Variants in GHR observed in about 807,000 individuals in gnomAD.
GHR encodes the protein GH receptor.
A neutral mutation model predicts 67.1 loss-of-function variants in GHR; 35 were observed. That is an observed-to-expected ratio of 0.52 (90% CI 0.40 to 0.69). GHR has a LOEUF of 0.69. Among genes scored for constraint, GHR ranks in the 30% least tolerant of loss-of-function variants. The pLI is 0.00. For missense variants in GHR, 792 were observed against 764.6 expected (o/e 1.04, Z -0.42); for synonymous variants, 272 against 269.1 (o/e 1.01, Z -0.10).
chr5:42,481,470 T>C (rs1745632814), intron 1 of GHR, among the ~76,000 whole-genome samples: 1 of 152,224 alleles, frequency 6.6e-6, no homozygotes, highest in South Asian at 2.1e-4. Context: ...CTGGATAATA[T>C]CCTGCAGAGT....
At chr5:42,640,291 C>G (rs552327235) in intron 3 of GHR, among the ~76,000 whole-genome samples, 1 of 152,224 alleles carries the variant, frequency 6.6e-6, no homozygotes, top group Admixed American at 6.5e-5. Context: ...TAACATACTG[C>G]TAATACCCCA....
chr5:42,692,666 GATA>G (rs1347925966), intron 4 of GHR, among the ~76,000 whole-genome samples: 2 of 152,218 alleles, frequency 1.3e-5, no homozygotes, highest in African/African-American at 4.8e-5. Flanking sequence ...ATGGATTTGG[GATA>G]ATCTAAACAG....
intron 3 of GHR, among the ~76,000 whole-genome samples, chr5:42,660,306 C>A (rs2112858749): frequency 6.6e-6 from 1 of 152,322 alleles, no homozygotes; most frequent in East Asian, 1.9e-4. Context: ...AGACTGCCTC[C>A]TCAAGTGGGT....
chr5:42,718,273 C>T (rs936710261), intron 9 of GHR, 152 bp downstream of exon 9: 1 of 723,868 alleles, frequency 1.4e-6, no homozygotes, highest in Non-Finnish European at 2.3e-6. Flanking sequence ...TATTCTATTT[C>T]TTAAAAATAA....
intron 1 of GHR, among the ~76,000 whole-genome samples, chr5:42,560,117 A>G (rs1749521032): frequency 6.6e-6 from 1 of 152,106 alleles, no homozygotes; most frequent in South Asian, 2.1e-4. Context: ...GGTGTTAGTT[A>G]TTTTAGGTGG....
intron 1 of GHR, among the ~76,000 whole-genome samples, chr5:42,550,333 T>G (rs1323920481): frequency 1.3e-5 from 2 of 152,104 alleles, no homozygotes; most frequent in East Asian, 3.9e-4. Context: ...CTAACACTGT[T>G]CTCGGGGCCA....
At chr5:42,512,607 T>C (rs976738916) in intron 1 of GHR, among the ~76,000 whole-genome samples, 2 of 152,168 alleles carry the variant, frequency 1.3e-5, no homozygotes, top group East Asian at 1.9e-4. Flanking sequence ...TATATATATA[T>C]ACATAGACAA....
At chr5:42,479,743 A>G (rs1745527194) in intron 1 of GHR, among the ~76,000 whole-genome samples, 1 of 152,010 alleles carries the variant, frequency 6.6e-6, no homozygotes, top group Non-Finnish European at 1.5e-5. Flanking sequence ...CCCCTTTATC[A>G]TTTTTTATTG....
chr5:42,699,035 A>G (rs1249713967), intron 5 of GHR, among the ~76,000 whole-genome samples: 2 of 152,234 alleles, frequency 1.3e-5, no homozygotes, highest in Non-Finnish European at 2.9e-5. Context: ...CAAGTTGTTC[A>G]TGTGACAGTC....
chr5:42,530,186 A>G (rs1021992494), intron 1 of GHR, among the ~76,000 whole-genome samples: 1 of 151,994 alleles, frequency 6.6e-6, no homozygotes, highest in African/African-American at 2.4e-5. Flanking sequence ...CACAGTTACC[A>G]TTTGTGTGTG....
chr5:42,454,875 T>C (rs1024657114), intron 1 of GHR, among the ~76,000 whole-genome samples: 5 of 152,092 alleles, frequency 3.3e-5, no homozygotes, highest in Non-Finnish European at 7.4e-5. Flanking sequence ...GCAGTTCCCA[T>C]TCACCCACCA....
At chr5:42,615,416 T>A (rs1310960167) in intron 2 of GHR, among the ~76,000 whole-genome samples, 2 of 152,098 alleles carry the variant, frequency 1.3e-5, no homozygotes, top group Non-Finnish European at 2.9e-5. Flanking sequence ...CTGACTAGAT[T>A]GTAACTTCTA....
intron 2 of GHR, among the ~76,000 whole-genome samples, chr5:42,570,323 G>A (rs1002988000): frequency 9.9e-5 from 15 of 152,166 alleles, no homozygotes; most frequent in African/African-American, 3.1e-4. Flanking sequence ...AATGGCCTGC[G>A]TCCATGTACA....
chr5:42,546,191 G>A (rs1748724386), intron 1 of GHR, among the ~76,000 whole-genome samples: 2 of 152,156 alleles, frequency 1.3e-5, no homozygotes, highest in Admixed American at 1.3e-4. Flanking sequence ...TTACTCTTTC[G>A]ATTGAGCCTG....
At chr5:42,445,777 T>G (rs1016117460) in intron 1 of GHR, among the ~76,000 whole-genome samples, 2 of 152,244 alleles carry the variant, frequency 1.3e-5, no homozygotes, top group Non-Finnish European at 2.9e-5. Context: ...AAGCTCAGTA[T>G]GCTTCGATAA....
chr5:42,613,026 G>T (rs1288433148), intron 2 of GHR, among the ~76,000 whole-genome samples: 1 of 152,072 alleles, frequency 6.6e-6, no homozygotes, highest in Non-Finnish European at 1.5e-5. Context: ...CCAGAGGAGG[G>T]TTTGTTTTTA....
At chr5:42,478,001 G>A (rs921178908) in intron 1 of GHR, among the ~76,000 whole-genome samples, 3 of 151,638 alleles carry the variant, frequency 2.0e-5, no homozygotes, top group Non-Finnish European at 2.9e-5. Flanking sequence ...TTCTTCTAGG[G>A]TTTTCATGGT....
chr5:42,549,623 T>A (rs1355715952), intron 1 of GHR: 2 of 972,690 alleles, frequency 2.1e-6, no homozygotes, highest in Non-Finnish European at 2.4e-6. Context: ...GAGGTGTGAA[T>A]AGCCCAGAAC....
intron 1 of GHR, among the ~76,000 whole-genome samples, chr5:42,483,176 C>T (rs80331731): frequency 0.019 from 2,918 of 152,246 alleles, 162 homozygotes; most frequent in East Asian, 0.13. Context: ...TCAAGGGATT[C>T]GAGTAGCTAG....
Sources: gnomAD v4.1 joint callset for allele counts (sites outside exome capture counted in the v4.1 genomes callset) on GRCh38, gnomAD v4.1.1 for gene constraint, MANE v1.5 for transcripts, NCBI Gene and HGNC (gene_info 2026-07-23, HGNC 2026-07-21) for gene names.